The following TMPRSS15 variants were observed in gnomAD, a reference collection of about 807,000 sequenced individuals.
TMPRSS15 encodes transmembrane serine protease 15.
TMPRSS15 carries 128 observed loss-of-function variants against 125.3 expected under a neutral mutation model. That is an observed-to-expected ratio of 1.02 (90% CI 0.89 to 1.18). The LOEUF (loss-of-function observed/expected upper bound fraction) is 1.18, where lower values mean the gene tolerates loss of function less well. Ranked by LOEUF, TMPRSS15 falls within the 50% of genes most tolerant of loss-of-function variation. The probability of loss-of-function intolerance (pLI) is 0.00; values close to 1 mark genes in which losing one functional copy is unlikely to be tolerated. For synonymous variants in TMPRSS15, 446 were observed against 423.2 expected (o/e 1.05, Z -0.66); for missense variants, 1,283 against 1,212.7 (o/e 1.06, Z -0.86).
chr21:18,386,840 C>G (rs2075948378), intron 3 of TMPRSS15, among the ~76,000 whole-genome samples: 1 of 152,114 alleles, frequency 6.6e-6, no homozygotes, highest in Non-Finnish European at 1.5e-5. Flanking sequence ...CACTTGCTTT[C>G]ATTTTATTTG....
At chr21:18,467,234 A>T (rs1261932841) in intron 1 of TMPRSS15, among the ~76,000 whole-genome samples, 1 of 152,016 alleles carries the variant, frequency 6.6e-6, no homozygotes, top group East Asian at 1.9e-4. Context: ...ATGGAGGGGA[A>T]CATCACACGC....
intron 21 of TMPRSS15, among the ~76,000 whole-genome samples, chr21:18,291,646 T>G (rs7282215): frequency 0.36 from 54,323 of 152,064 alleles, 11,826 homozygotes; most frequent in East Asian, 0.59. Flanking sequence ...GAGCCAGTAT[T>G]AACATACTGA....
chr21:18,279,277 C>T (rs1189488731), intron 22 of TMPRSS15, among the ~76,000 whole-genome samples: 1 of 145,726 alleles, frequency 6.9e-6, no homozygotes, highest in Admixed American at 7.0e-5. Context: ...CCACTGGTGG[C>T]CCTTTAGGGT....
intron 1 of TMPRSS15, among the ~76,000 whole-genome samples, chr21:18,429,590 T>C (rs1028159643): frequency 6.6e-6 from 1 of 152,246 alleles, no homozygotes; most frequent in African/African-American, 2.4e-5. Context: ...TCCACTTTTG[T>C]GTCTTCATCA....
chr21:18,269,762 G>T lies in TMPRSS15; in HGVS notation c.*207C>A. ...CAATGAAATACAAATGTATTTAATG[G>T]TATTTTAAAGTTATTCTGTATTGCT... On this transcript the variant is annotated 3_prime_UTR_variant, in exon 25 of 25. Coordinates refer to ENST00000284885, the MANE Select transcript of TMPRSS15 (RefSeq NM_002772.3). 1 of 530,340 alleles carries T rather than the reference G, an allele frequency of 1.9e-6. No individual in the cohort carries two copies. The highest frequency in any genetic ancestry group is 2.2e-5 in the South Asian group (1 of 44,974). The allele number at this position is 530,340 out of a possible 1,614,324, so 32.9% of individuals were successfully genotyped here. A position where few individuals can be genotyped will look rare whatever the true frequency, so the allele number is the denominator to read the frequency against.
At chr21:18,287,211 A>G (rs188576171) in intron 21 of TMPRSS15, among the ~76,000 whole-genome samples, 7 of 152,296 alleles carry the variant, frequency 4.6e-5, no homozygotes, top group Admixed American at 2.0e-4. Flanking sequence ...ACTACTTAGC[A>G]CAGGATAAGT....
At chr21:18,425,292 A>G (rs989341890) in intron 1 of TMPRSS15, among the ~76,000 whole-genome samples, 1 of 152,146 alleles carries the variant, frequency 6.6e-6, no homozygotes, top group African/African-American at 2.4e-5. Context: ...TAAGGACTCC[A>G]CAGTCAAATT....
Position 18,401,521 on chromosome 21 carries a change from G to A in TMPRSS15, c.145+1957C>T, listed in dbSNP as rs144480109. ...CACATGTTCTCAAGCATAAGTGGGA[G>A]CTAAACAGCAGGCACTCGTGGACAT... is the stretch of plus-strand genomic sequence containing the variant. On this transcript the variant is annotated intron_variant, in intron 1 of 24. Transcript: ENST00000284885. 2.4e-4 allele frequency among the ~76,000 whole-genome samples: 37 copies of A among 152,278 alleles called. 1 individual carries two copies. The highest frequency in any genetic ancestry group is 7.7e-4 in the African/African-American group (32 of 41,558).
At chr21:18,320,186 T>C (rs1324506038) in intron 16 of TMPRSS15, among the ~76,000 whole-genome samples, 1 of 152,126 alleles carries the variant, frequency 6.6e-6, no homozygotes, top group Non-Finnish European at 1.5e-5. Flanking sequence ...CTTTAGAAAA[T>C]TGGAAGTCTT....
intron 24 of TMPRSS15, among the ~76,000 whole-genome samples, chr21:18,274,215 C>T (rs1228812254): frequency 6.6e-6 from 1 of 152,124 alleles, no homozygotes; most frequent in Non-Finnish European, 1.5e-5. Context: ...AGTAATTGCT[C>T]GATGCCTTAC....
At chr21:18,319,412 T>A (rs1013260040) in intron 16 of TMPRSS15, among the ~76,000 whole-genome samples, 7 of 39,596 alleles carry the variant, frequency 1.8e-4, no homozygotes, top group Middle Eastern at 0.013. Context: ...AAAAAAAATC[T>A]TCTTCACCGA....
intron 1 of TMPRSS15, among the ~76,000 whole-genome samples, chr21:18,465,734 A>G (rs928380783): frequency 1.1e-4 from 16 of 152,182 alleles, no homozygotes; most frequent in African/African-American, 3.6e-4. Context: ...AAGGAGAACT[A>G]CAAACCACTG....
chr21:18,334,596 T>C (rs1179343646), intron 13 of TMPRSS15, among the ~76,000 whole-genome samples: 2 of 152,198 alleles, frequency 1.3e-5, no homozygotes, highest in Non-Finnish European at 2.9e-5. Context: ...TACTTAGTAC[T>C]GGTTTTCAAG....
chr21:18,469,599 C>T (rs28449912), intron 1 of TMPRSS15, among the ~76,000 whole-genome samples: 1,849 of 152,068 alleles, frequency 0.012, 52 homozygotes, highest in African/African-American at 0.042. Context: ...TACAATTGTT[C>T]AAACTTTGAT....
At chr21:18,416,143 G>T (rs1487185741) in intron 1 of TMPRSS15, among the ~76,000 whole-genome samples, 1 of 151,844 alleles carries the variant, frequency 6.6e-6, no homozygotes, top group South Asian at 2.1e-4. Flanking sequence ...GAAATTAAAG[G>T]AGACACAGAT....
chr21:18,318,453 A>T (rs2075197151), intron 16 of TMPRSS15, among the ~76,000 whole-genome samples: 1 of 152,180 alleles, frequency 6.6e-6, no homozygotes, highest in African/African-American at 2.4e-5. Context: ...ATCTTCCAAC[A>T]TTGGAACGAT....
intron 1 of TMPRSS15, among the ~76,000 whole-genome samples, chr21:18,400,965 A>G (rs1432482833): frequency 2.6e-5 from 4 of 152,176 alleles, no homozygotes; most frequent in African/African-American, 9.7e-5. Context: ...GTGGCTAACA[A>G]ATATTTTAAA....
intron 1 of TMPRSS15, among the ~76,000 whole-genome samples, chr21:18,415,697 T>C (rs1286764547): frequency 1.3e-5 from 2 of 152,094 alleles, no homozygotes; most frequent in African/African-American, 2.4e-5. Context: ...CTCTTTATTT[T>C]GGTCCACTTA....
intron 16 of TMPRSS15, among the ~76,000 whole-genome samples, chr21:18,321,640 G>A (rs1027127677): frequency 1.3e-5 from 2 of 152,096 alleles, no homozygotes; most frequent in Admixed American, 6.5e-5. Context: ...CGTGAGCCAC[G>A]TGCCCGGCCG....
Sources: allele counts gnomAD v4.1 joint callset (sites outside exome capture counted in the v4.1 genomes callset), GRCh38; gene constraint gnomAD v4.1.1; transcripts MANE v1.5; gene names NCBI Gene and HGNC (gene_info 2026-07-23, HGNC 2026-07-21).